Variants in MAP4K3 observed in about 807,000 individuals in gnomAD.
MAP4K3 encodes the protein MAPK/ERK kinase kinase kinase 3.
Under a neutral mutation model 143.5 loss-of-function variants are expected in MAP4K3, and 94 were observed. That is an observed-to-expected ratio of 0.65 (90% CI 0.55 to 0.78). The LOEUF is 0.78. MAP4K3 is among the 30% of genes least tolerant of loss of function. The probability of loss-of-function intolerance (pLI) is 0.00; values close to 1 mark genes in which losing one functional copy is unlikely to be tolerated. For missense variants in MAP4K3, 1,077 were observed against 1,068.1 expected (o/e 1.01, Z -0.12); for synonymous variants, 416 against 347.2 (o/e 1.20, Z -2.20).
chr2:39,394,841 C>T (rs967742887), intron 1 of MAP4K3, among the ~76,000 whole-genome samples: 1 of 152,122 alleles, frequency 6.6e-6, no homozygotes, highest in African/African-American at 2.4e-5. Flanking sequence ...TTCTATCACC[C>T]TTTGTCAGTG....
At chr2:39,306,553 C>T (rs1301286022) in intron 15 of MAP4K3, among the ~76,000 whole-genome samples, 4 of 152,222 alleles carry the variant, frequency 2.6e-5, no homozygotes, top group African/African-American at 4.8e-5. Flanking sequence ...ACTGTTTCTT[C>T]AGATTTAACA....
intron 1 of MAP4K3, among the ~76,000 whole-genome samples, chr2:39,392,361 C>A (rs1394158691): frequency 1.3e-5 from 2 of 151,914 alleles, no homozygotes; most frequent in Non-Finnish European, 2.9e-5. Context: ...GTTTATTAAG[C>A]GTGTGATACA....
chr2:39,323,072 C>T (rs929033467), intron 12 of MAP4K3, among the ~76,000 whole-genome samples: 1 of 152,146 alleles, frequency 6.6e-6, no homozygotes, highest in Non-Finnish European at 1.5e-5. Flanking sequence ...TTAGCAATTA[C>T]AATTACAAAT....
chr2:39,422,175 G>C (rs1275345305), intron 1 of MAP4K3, among the ~76,000 whole-genome samples: 1 of 151,856 alleles, frequency 6.6e-6, no homozygotes, highest in Non-Finnish European at 1.5e-5. Flanking sequence ...GAAGAAAGCA[G>C]CATGATCAAA....
At chr2:39,436,582 T>A (rs1385024679) in intron 1 of MAP4K3, 2 of 318,982 alleles carry the variant, frequency 6.3e-6, no homozygotes, top group Non-Finnish European at 1.2e-5. Flanking sequence ...CGCCCAGACC[T>A]TCTCTGCACT....
At chr2:39,333,431 C>A (rs530763510) in intron 7 of MAP4K3, 101 bp downstream of exon 7, 2 of 813,810 alleles carry the variant, frequency 2.5e-6, no homozygotes, top group African/African-American at 1.7e-5. Context: ...TACACAGATG[C>A]CGTCTTAGGA....
chr2:39,292,748 T>C (rs764988571), intron 18 of MAP4K3, 25 bp downstream of exon 18: 1 of 1,604,626 alleles, frequency 6.2e-7, no homozygotes. Context: ...CTTTTCTTTT[T>C]ACCAAAAACA....
At chr2:39,259,942 A>G (rs917093416) in intron 29 of MAP4K3, among the ~76,000 whole-genome samples, 1 of 152,240 alleles carries the variant, frequency 6.6e-6, no homozygotes, top group African/African-American at 2.4e-5. Context: ...ACCCAGGTGT[A>G]TACCTCATTT....
intron 1 of MAP4K3, among the ~76,000 whole-genome samples, chr2:39,399,361 A>C (rs1666894588): frequency 6.6e-6 from 1 of 152,220 alleles, no homozygotes; most frequent in Admixed American, 6.5e-5. Flanking sequence ...TTATGCTAAA[A>C]CTGGTAGGCT....
intron 1 of MAP4K3, among the ~76,000 whole-genome samples, chr2:39,415,623 G>A (rs898045584): frequency 5.3e-5 from 8 of 151,922 alleles, no homozygotes; most frequent in African/African-American, 1.9e-4. Flanking sequence ...GGCATTAATA[G>A]TCACTTTTGG....
chr2:39,348,315 G>A (rs140331339), intron 3 of MAP4K3, among the ~76,000 whole-genome samples: 1 of 151,394 alleles, frequency 6.6e-6, no homozygotes, highest in East Asian at 2.0e-4. Context: ...TTCATCCTAT[G>A]TAAAATGACT....
intron 2 of MAP4K3, among the ~76,000 whole-genome samples, chr2:39,364,324 T>C (rs1326015319): frequency 1.3e-5 from 2 of 152,224 alleles, no homozygotes; most frequent in South Asian, 2.1e-4. Flanking sequence ...TAGAGCATAA[T>C]GTATAACATA....
chr2:39,254,649 T>C (rs912819834), intron 31 of MAP4K3, 129 bp from the exon 32 acceptor site: 12 of 628,972 alleles, frequency 1.9e-5, no homozygotes, highest in Non-Finnish European at 3.3e-5. Flanking sequence ...CATATTTATA[T>C]GGCATCTTTA....
At position 39,280,819 on chromosome 2, in the gene MAP4K3, T is replaced by C. The variant is rs530944875; in HGVS notation, c.1630-463A>G. On this transcript the variant is annotated intron_variant, in intron 22 of 33. Transcript: ENST00000263881. ...ACAAACTGAAACAGGTATGGCTGATTTGAAATTCATATATGTGCTTCAACC... is the reference window on the plus strand; with the variant it reads ...ACAAACTGAAACAGGTATGGCTGATCTGAAATTCATATATGTGCTTCAACC... Among the ~76,000 whole-genome samples the C allele has an allele frequency of 2.6e-5, 4 of 152,318 alleles. No individual in the cohort carries two copies. The South Asian group carries it at 8.3e-4, about 32-fold the overall frequency.
chr2:39,384,166 A>G (rs1234010065), intron 1 of MAP4K3, among the ~76,000 whole-genome samples: 1 of 152,068 alleles, frequency 6.6e-6, no homozygotes, highest in African/African-American at 2.4e-5. Context: ...CAGAGGCCAT[A>G]TGGCTCACAA....
chr2:39,337,632 C>A, intron 4 of MAP4K3, 51 bp from the exon 5 acceptor site: 2 of 1,212,386 alleles, frequency 1.6e-6, no homozygotes, highest in Non-Finnish European at 1.2e-6. Flanking sequence ...GCATGTTTTT[C>A]AATATATAAT....
intron 3 of MAP4K3, 63 bp downstream of exon 3, chr2:39,356,186 T>C: frequency 2.1e-6 from 2 of 935,280 alleles, no homozygotes; most frequent in Non-Finnish European, 3.3e-6. Flanking sequence ...CTAACTTTAT[T>C]TTGTTTAATG....
At chr2:39,323,708 CTG>C (rs1286579237) in intron 12 of MAP4K3, 5 of 152,038 alleles carry the variant, frequency 3.3e-5, no homozygotes, top group Non-Finnish European at 5.9e-5. Context: ...GATACTTGCT[CTG>C]TGTCACAGAC....
At chr2:39,402,804 GA>G (rs1314892372) in intron 1 of MAP4K3, among the ~76,000 whole-genome samples, 1 of 137,926 alleles carries the variant, frequency 7.3e-6, no homozygotes, top group Non-Finnish European at 1.6e-5. Flanking sequence ...AGGCCAAAAA[GA>G]AAAAAGAAAG....
Sources: allele counts gnomAD v4.1 joint callset (sites outside exome capture counted in the v4.1 genomes callset), GRCh38; gene constraint gnomAD v4.1.1; transcripts MANE v1.5; gene names NCBI Gene and HGNC (gene_info 2026-07-23, HGNC 2026-07-21).